Variants in PPP2R2B observed in about 807,000 individuals in gnomAD.
The protein encoded by PPP2R2B is protein phosphatase 2 regulatory subunit Bbeta.
Under a neutral mutation model 46.0 loss-of-function variants are expected in PPP2R2B, and 5 were observed. That is an observed-to-expected ratio of 0.11 (90% CI 0.06 to 0.23). The LOEUF (loss-of-function observed/expected upper bound fraction) is 0.23. Among genes scored for constraint, PPP2R2B ranks in the 10% least tolerant of loss-of-function variants. The pLI, the probability that PPP2R2B is intolerant of heterozygous loss-of-function variation, is 1.00. For missense variants in PPP2R2B, 367 were observed against 575.0 expected, an observed-to-expected ratio of 0.64 and a Z score of 3.70; for synonymous variants, 215 against 206.7, an observed-to-expected ratio of 1.04 and a Z score of -0.34.
chr5:146,769,655 A>G (rs1441691292), intron 2 of PPP2R2B, among the ~76,000 whole-genome samples: 1 of 152,224 alleles, frequency 6.6e-6, no homozygotes, highest in Non-Finnish European at 1.5e-5. Flanking sequence ...CTAAACTTCA[A>G]TTGCCGTGAA....
intron 7 of PPP2R2B, among the ~76,000 whole-genome samples, chr5:146,608,697 A>C (rs1007627876): frequency 1.3e-5 from 2 of 152,122 alleles, no homozygotes; most frequent in African/African-American, 4.8e-5. Flanking sequence ...TGGGAGAAGA[A>C]TCGCTTGAAC....
At chr5:146,844,825 T>G (rs185597649) in intron 2 of PPP2R2B, among the ~76,000 whole-genome samples, 2 of 152,216 alleles carry the variant, frequency 1.3e-5, no homozygotes, top group African/African-American at 4.8e-5. Flanking sequence ...ACCTGTGAGG[T>G]TGCAGAACTT....
chr5:146,805,759 T>C (rs1202512135), intron 2 of PPP2R2B, among the ~76,000 whole-genome samples: 3 of 152,130 alleles, frequency 2.0e-5, no homozygotes, highest in Middle Eastern at 3.2e-3. Context: ...GTTGAGACTA[T>C]GCAGAGGGGA....
At position 146,638,258 on chromosome 5, in the gene PPP2R2B, G is replaced by A; in HGVS notation, c.783C>T (p.His261=). The A allele has an allele frequency of 6.2e-7, 1 of 1,612,974 alleles. No homozygotes were observed. The highest frequency in any genetic ancestry group is 8.5e-7 in the Non-Finnish European group (1 of 1,179,198). ...CCTTCAGTTGCTACTCACATTTGGT[G>A]TGCCTGTCACACAGGGCAGATGCCC... ...DMRASALCDR[H]TKFFEEPEDP... Residue 261 remains histidine (H), a synonymous_variant, in exon 7 of 10, where the codon CAC becomes CAT. Transcript: ENST00000394411.
At chr5:146,748,998 C>G (rs1753369048) in intron 2 of PPP2R2B, among the ~76,000 whole-genome samples, 1 of 152,080 alleles carries the variant, frequency 6.6e-6, no homozygotes, top group Non-Finnish European at 1.5e-5. Context: ...AATTTTTTCC[C>G]TAGAATATTC....
At chr5:147,045,043 G>A (rs573219145) in intron 1 of PPP2R2B, among the ~76,000 whole-genome samples, 10 of 152,260 alleles carry the variant, frequency 6.6e-5, no homozygotes, top group African/African-American at 1.9e-4. Flanking sequence ...TTGTCTGGAT[G>A]TCAAGACAAT....
chr5:146,614,259 C>T (rs1368893610), intron 7 of PPP2R2B, among the ~76,000 whole-genome samples: 1 of 113,872 alleles, frequency 8.8e-6, no homozygotes, highest in Admixed American at 9.1e-5. Flanking sequence ...GAAAGGATTC[C>T]CTATTTAATA....
At chr5:146,826,705 T>C (rs916429262) in intron 2 of PPP2R2B, among the ~76,000 whole-genome samples, 1 of 152,160 alleles carries the variant, frequency 6.6e-6, no homozygotes, top group African/African-American at 2.4e-5. Flanking sequence ...AAAATTGCAT[T>C]TAGTGCCATT....
intron 1 of PPP2R2B, among the ~76,000 whole-genome samples, chr5:146,968,916 A>G (rs972861690): frequency 6.6e-6 from 1 of 152,230 alleles, no homozygotes; most frequent in African/African-American, 2.4e-5. Flanking sequence ...TATTATTTTC[A>G]TTTTGAATAT....
rs564006977 is a variant in PPP2R2B, at chr5:146,802,136, TCTGA to T, written c.70+75862_70+75865del. ...GTTCTTGGAGCTTAAGGAGTAACAA[TCTGA>T]CTGAGGAAGTCACCACAAATTTCAT... On this transcript the variant is annotated intron_variant, in intron 2 of 9. Transcript: ENST00000394411. Among the ~76,000 whole-genome samples, 21 of 152,260 alleles carry T rather than the reference TCTGA, an allele frequency of 1.4e-4. No individual in the cohort carries two copies. In the East Asian group the frequency reaches 3.3e-3, roughly 24 times the overall value.
chr5:146,642,465 T>C (rs958455772), intron 6 of PPP2R2B, among the ~76,000 whole-genome samples: 1 of 152,216 alleles, frequency 6.6e-6, no homozygotes, highest in African/African-American at 2.4e-5. Flanking sequence ...AGAAAAAGAT[T>C]GACAACTTAA....
At chr5:146,594,992 G>A (rs1403745096) in intron 8 of PPP2R2B, among the ~76,000 whole-genome samples, 1 of 152,202 alleles carries the variant, frequency 6.6e-6, no homozygotes, top group African/African-American at 2.4e-5. Flanking sequence ...GCAAAGGAAC[G>A]AGGTCAGGCT....
chr5:147,041,748 T>G (rs1006964344), intron 1 of PPP2R2B, among the ~76,000 whole-genome samples: 1 of 152,184 alleles, frequency 6.6e-6, no homozygotes, highest in Non-Finnish European at 1.5e-5. Flanking sequence ...TATTATTTGC[T>G]TTTTATTCAT....
At chr5:146,925,701 T>A (rs1263515253) in intron 1 of PPP2R2B, among the ~76,000 whole-genome samples, 1 of 152,158 alleles carries the variant, frequency 6.6e-6, no homozygotes, top group East Asian at 1.9e-4. Context: ...ATTTTGGAAG[T>A]TTTGGCCATT....
intron 1 of PPP2R2B, among the ~76,000 whole-genome samples, chr5:146,973,657 T>C (rs889203722): frequency 1.3e-5 from 2 of 152,192 alleles, no homozygotes; most frequent in African/African-American, 4.8e-5. Context: ...CACTTGATTA[T>C]ATGAGAGGAG....
At chr5:147,077,704 C>CTGTG (rs1757831436) in intron 2 of PPP2R2B, among the ~76,000 whole-genome samples, 1 of 152,114 alleles carries the variant, frequency 6.6e-6, no homozygotes, top group Admixed American at 6.5e-5. Flanking sequence ...ATGCCAGTGG[C>CTGTG]TGTGTGTTTG....
chr5:146,706,798 G>A lies in PPP2R2B; in HGVS notation c.71-5656C>T, dbSNP rs1779888464. 3 of 849,228 alleles carry A rather than the reference G, an allele frequency of 3.5e-6. No individual in the cohort carries two copies. The South Asian group carries it at 4.0e-5, about 11-fold the overall frequency. The allele number at this position is 849,228 out of a possible 1,614,324, so 52.6% of individuals were successfully genotyped here. On this transcript the variant is annotated intron_variant, in intron 2 of 9. Coordinates refer to ENST00000394411, the MANE Select transcript of PPP2R2B (RefSeq NM_181675.4). ...ACATGCTCTCGGCCTCAGCCCGACT[G>A]CGGTTGGCGATCTCCTCGTACTGTA...
chr5:146,583,634 T>C lies in PPP2R2B; in HGVS notation c.*6313A>G, dbSNP rs1481432778. On this transcript the variant is annotated 3_prime_UTR_variant, in exon 10 of 10. Transcript: ENST00000394411. ...TGTGTGAAGATGGAGCTGTCACTGC[T>C]GCTTCCACAGACCACCCTGGCATGG... 6.6e-6 allele frequency: 1 copy of C among 152,194 alleles called. No homozygotes were observed. Among genetic ancestry groups the C allele is most frequent in the Non-Finnish European group, 1.5e-5 (1 of 68,042 alleles). The allele number at this position is 152,194 out of a possible 1,614,324, so 9.4% of individuals were successfully genotyped here. A position where few individuals can be genotyped will look rare whatever the true frequency, so the allele number is the denominator to read the frequency against.
intron 1 of PPP2R2B, among the ~76,000 whole-genome samples, chr5:147,039,002 A>G (rs1756172485): frequency 6.6e-6 from 1 of 152,214 alleles, no homozygotes; most frequent in Non-Finnish European, 1.5e-5. Flanking sequence ...GAAAAGATAC[A>G]GTATTCCACA....
Sources: allele counts gnomAD v4.1 joint callset (sites outside exome capture counted in the v4.1 genomes callset), GRCh38; gene constraint gnomAD v4.1.1; transcripts MANE v1.5; gene names NCBI Gene and HGNC (gene_info 2026-07-23, HGNC 2026-07-21).